The following SPTBN4 variants were observed in gnomAD, a reference collection of about 807,000 sequenced individuals.
SPTBN4 encodes the protein spectrin beta chain, non-erythrocytic 4.
A neutral mutation model predicts 277.8 loss-of-function variants in SPTBN4; 96 were observed. That is an observed-to-expected ratio of 0.35 (90% confidence interval 0.29 to 0.41). SPTBN4 has a LOEUF of 0.41. Among genes scored for constraint, SPTBN4 ranks in the 10% least tolerant of loss-of-function variants. SPTBN4 has a pLI of 1.00. For missense variants in SPTBN4, 3,006 were observed against 3,595.7 expected, an observed-to-expected ratio of 0.84 and a Z score of 4.19; for synonymous variants, 1,481 against 1,580.3, an observed-to-expected ratio of 0.94 and a Z score of 1.49.
At chr19:40,516,081 T>TATAC (rs929136926) in intron 15 of SPTBN4, among the ~76,000 whole-genome samples, 1 of 148,354 alleles carries the variant, frequency 6.7e-6, no homozygotes, top group African/African-American at 2.5e-5. Context: ...TATATATATA[T>TATAC]ACAAAATTTA....
chr19:40,518,257 G>A (rs1004260492), intron 15 of SPTBN4, among the ~76,000 whole-genome samples: 2 of 152,116 alleles, frequency 1.3e-5, no homozygotes, highest in Non-Finnish European at 2.9e-5. Flanking sequence ...AGTGAGCTGA[G>A]ATCGTGCCAC....
chr19:40,543,388 G>C (rs1247391296), intron 20 of SPTBN4, among the ~76,000 whole-genome samples: 3 of 151,946 alleles, frequency 2.0e-5, no homozygotes, highest in South Asian at 2.1e-4. Flanking sequence ...TGTTCTGCTT[G>C]GCCCCACTTG....
chr19:40,470,033 C>G (rs1321605723), intron 1 of SPTBN4, among the ~76,000 whole-genome samples: 1 of 151,968 alleles, frequency 6.6e-6, no homozygotes, highest in Non-Finnish European at 1.5e-5. Flanking sequence ...GGGTCTCACT[C>G]TGTCGCCCAG....
rs2080452563 is a variant in SPTBN4 at position 40,515,967 on chromosome 19, A to G, written c.2903+519A>G. On this transcript the variant is annotated intron_variant, in intron 15 of 35. Transcript: ENST00000598249. This position sits in a 1 kb window ranked among gnomAD's most constrained non-coding sequence, Gnocchi z 4.1. The stretch of plus-strand genomic sequence containing the variant: ...CGTATATATACACATATATACGTAT[A>G]TATACACATATATACGTATATATAC... Among the ~76,000 whole-genome samples the G allele has an allele frequency of 6.7e-6, 1 of 149,276 alleles. No individual in the cohort carries two copies. Among genetic ancestry groups the G allele is most frequent in the Admixed American group, 6.7e-5 (1 of 14,850 alleles).
rs1568766058 is a variant in SPTBN4 at position 40,487,746 on chromosome 19, G to A, written c.219G>A (p.Ser73=). The part of the protein sequence containing the change: ...QKKTFTKWVN[S]HLARVGCHIG... The stretch of plus-strand genomic sequence containing the variant: ...AAACCTTCACCAAGTGGGTGAACTC[G>A]CACCTCGCCCGCGTGGGCTGCCACA... The change falls in exon 3 of 36, where the codon TCG becomes TCA. Residue 73 remains serine, a synonymous_variant. Coordinates refer to ENST00000598249, the MANE Select transcript of SPTBN4 (RefSeq NM_020971.3). 6.2e-7 allele frequency: 1 copy of A among 1,613,638 alleles called. No homozygotes were observed. The highest frequency in any genetic ancestry group is 8.5e-7 in the Non-Finnish European group (1 of 1,179,836).
intron 16 of SPTBN4, 92 bp downstream of exon 16, chr19:40,520,243 T>A: frequency 8.0e-7 from 1 of 1,256,674 alleles, no homozygotes; most frequent in Non-Finnish European, 1.0e-6. Flanking sequence ...GGGAGGAGGG[T>A]GTTTCCTGGG....
intron 1 of SPTBN4, among the ~76,000 whole-genome samples, chr19:40,470,839 G>T (rs2079876526): frequency 6.6e-6 from 1 of 150,448 alleles, no homozygotes; most frequent in South Asian, 2.1e-4. Flanking sequence ...CACCATGTTG[G>T]CCAGGCTGGT....
At chr19:40,474,623 A>G (rs548523617) in intron 2 of SPTBN4, among the ~76,000 whole-genome samples, 1 of 151,452 alleles carries the variant, frequency 6.6e-6, no homozygotes, top group South Asian at 2.1e-4. Context: ...TTTTTGGCGA[A>G]GCATGGTGGC....
chr19:40,564,585 C>T (rs1315765310), intron 27 of SPTBN4, among the ~76,000 whole-genome samples: 1 of 152,020 alleles, frequency 6.6e-6, no homozygotes, highest in Non-Finnish European at 1.5e-5. Context: ...ATGCCCATAG[C>T]CTTGAACTTT....
intron 33 of SPTBN4, 174 bp from the exon 34 acceptor site, chr19:40,571,845 C>A: frequency 1.6e-6 from 1 of 623,730 alleles, no homozygotes; most frequent in Non-Finnish European, 2.6e-6. Context: ...AAATGCTCCC[C>A]TCAGGGCAGC....
Position 40,554,032 on chromosome 19 carries a change from C to G in SPTBN4, c.4675-115C>G, listed in dbSNP as rs2080946926. On this transcript the variant is annotated intron_variant, in intron 22 of 35. Coordinates refer to ENST00000598249, the MANE Select transcript of SPTBN4 (RefSeq NM_020971.3). This position sits in a 1 kb window ranked among gnomAD's most constrained non-coding sequence, Gnocchi z 5.7. Reference sequence around the variant, plus strand: ...ATGGTCTTGGCACGTGGTTAGCGAGCTGGGGGTGCTTGTTAATTGCCCCGT... The same window carrying G: ...ATGGTCTTGGCACGTGGTTAGCGAGGTGGGGGTGCTTGTTAATTGCCCCGT... 1 of 1,076,430 alleles carries G rather than the reference C, an allele frequency of 9.3e-7. No homozygotes were observed. Among genetic ancestry groups the G allele is most frequent in the Admixed American group, 3.8e-5 (1 of 26,382 alleles). 66.7% of individuals were successfully genotyped at this position (1,076,430 alleles called of 1,614,324 possible).
Position 40,513,378 on chromosome 19 carries a change from C to A in SPTBN4, c.2589C>A (p.Phe863Leu), listed in dbSNP as rs1183671679. Residue 863 changes from phenylalanine to leucine, a missense_variant, in exon 14 of 36, where the codon TTC becomes TTA. Coordinates refer to ENST00000598249, the MANE Select transcript of SPTBN4 (RefSeq NM_020971.3). ...GCGTGGTGGAAGCAGAGCAGTTGTT[C>A]GCTGAGGTGACCGAAGTGGCGGCGC... ...QVRVVEAEQLFAEVTEVAALR... is the reference protein window; with the variant it reads ...QVRVVEAEQLLAEVTEVAALR... 1.9e-6 allele frequency: 3 copies of A among 1,603,158 alleles called. No homozygotes were observed.
In SPTBN4 at chr19:40,570,703, G is replaced by C; in HGVS notation, c.7294G>C (p.Asp2432His). ...EGFLLRKRELDANRKSSNRSW... is the reference protein window; with the variant it reads ...EGFLLRKRELHANRKSSNRSW... Reference sequence around the variant, plus strand: ...CTTCCTACTGCGCAAGCGCGAGCTCGACGCTAACCGCAAGTCGTCCAACCG... The same window carrying C: ...CTTCCTACTGCGCAAGCGCGAGCTCCACGCTAACCGCAAGTCGTCCAACCG... The change falls in exon 33 of 36, where the codon GAC becomes CAC. Residue 2432 changes from aspartate to histidine, a missense_variant. Asp to His is a moderately conservative substitution (Grantham distance 81). This residue lies in a region of SPTBN4 where 630 missense variants were observed against 677.6 expected (regional missense o/e 0.93). Coordinates refer to ENST00000598249, the MANE Select transcript of SPTBN4 (RefSeq NM_020971.3). 1.2e-6 allele frequency: 2 copies of C among 1,608,426 alleles called. No homozygotes were observed. Among genetic ancestry groups the C allele is most frequent in the East Asian group, 2.3e-5 (1 of 44,364 alleles).
At chr19:40,492,912 C>G in intron 4 of SPTBN4, 51 bp from the exon 5 acceptor site, 1 of 1,536,976 alleles carries the variant, frequency 6.5e-7, no homozygotes, top group Non-Finnish European at 9.0e-7. Context: ...GGGGGGCATT[C>G]GAAGCCTCAA....
intron 2 of SPTBN4, among the ~76,000 whole-genome samples, chr19:40,476,280 G>C (rs1463733015): frequency 3.3e-5 from 5 of 151,290 alleles, no homozygotes; most frequent in Non-Finnish European, 7.4e-5. Flanking sequence ...CAGAGGCGGA[G>C]GTTGCAGTGA....
Position 40,472,692 on chromosome 19 carries a change from G to T in SPTBN4, c.71G>T (p.Arg24Leu), listed in dbSNP as rs146428235. The change falls in exon 2 of 36, where the codon CGC becomes CTC. Residue 24 changes from arginine to leucine, a missense_variant. Transcript: ENST00000598249. ...GCTCCTAACAACAACCCTGCTGCCC[G>T]CTGGGAGAGTCCGGATCGGGGCTGG... ...LPAPNNNPAA[R>L]WESPDRGWER... 5 of 1,613,552 alleles carry T rather than the reference G, an allele frequency of 3.1e-6. No individual in the cohort carries two copies. In the African/African-American group the frequency reaches 4.0e-5, roughly 13 times the overall value.
At position 40,569,647 on chromosome 19, in the gene SPTBN4, C is replaced by G; in HGVS notation, c.6957-10C>G. 1 of 1,612,342 alleles carries G rather than the reference C, an allele frequency of 6.2e-7. No individual in the cohort carries two copies. The highest frequency in any genetic ancestry group is 8.5e-7 in the Non-Finnish European group (1 of 1,179,356). ...GGTTTCACTGGGTCTTTCTGTCCCC[C>G]ATCCCCCAGGAAGGCCACCCTGGCT... On this transcript the variant is annotated splice_polypyrimidine_tract_variant and intron_variant, in intron 31 of 35. Transcript: ENST00000598249.
chr19:40,572,536 G>A, intron 35 of SPTBN4, 156 bp downstream of exon 35: 1 of 923,620 alleles, frequency 1.1e-6, no homozygotes, highest in South Asian at 1.5e-5. Flanking sequence ...AGAGCCCAAA[G>A]GAGGTTCCTA....
Position 40,477,330 on chromosome 19 carries a change from T to C in SPTBN4, c.169+4540T>C, listed in dbSNP as rs538993414. On this transcript the variant is annotated intron_variant, in intron 2 of 35. Transcript: ENST00000598249. Reference sequence around the variant, plus strand: ...TCCCAAAGTGTTGGGATTACAGGTGTGAACCACTGGAATTTATTTTATCTA... The same window carrying C: ...TCCCAAAGTGTTGGGATTACAGGTGCGAACCACTGGAATTTATTTTATCTA... Among the ~76,000 whole-genome samples the C allele has an allele frequency of 6.6e-5, 10 of 152,268 alleles. No individual in the cohort carries two copies. The South Asian group carries it at 2.1e-3, about 32-fold the overall frequency.
Sources: allele counts gnomAD v4.1 joint callset (sites outside exome capture counted in the v4.1 genomes callset), GRCh38; gene constraint gnomAD v4.1.1; regional missense constraint gnomAD v4.1.1; non-coding constraint Gnocchi (gnomAD v3.1); transcripts MANE v1.5; gene names NCBI Gene and HGNC (gene_info 2026-07-23, HGNC 2026-07-21).